CCDC171: variants seen among roughly 807,000 people sequenced by gnomAD.
CCDC171 encodes the protein coiled-coil domain-containing protein 171.
Under a neutral mutation model 168.2 loss-of-function variants are expected in CCDC171, and 177 were observed. The observed-to-expected ratio is 1.05, with a 90% CI of 0.93 to 1.19. The LOEUF (loss-of-function observed/expected upper bound fraction) is 1.19, where lower values mean the gene tolerates loss of function less well. Among genes scored for constraint, CCDC171 ranks in the 50% most tolerant of loss-of-function variants. The pLI is 0.00. For synonymous variants in CCDC171, 687 were observed against 540.8 expected, an observed-to-expected ratio of 1.27 and a Z score of -3.75; for missense variants, 1,991 against 1,539.0, an observed-to-expected ratio of 1.29 and a Z score of -4.91.
intron 10 of CCDC171, among the ~76,000 whole-genome samples, chr9:15,681,575 A>C (rs2050043686): frequency 6.6e-6 from 1 of 152,058 alleles, no homozygotes; most frequent in Admixed American, 6.6e-5. Flanking sequence ...TAGTAAGTAC[A>C]ATGTTTTTCT....
At chr9:15,775,344 A>G (rs1473548863) in intron 18 of CCDC171, among the ~76,000 whole-genome samples, 1 of 152,176 alleles carries the variant, frequency 6.6e-6, no homozygotes, top group Non-Finnish European at 1.5e-5. Context: ...GACAAAGTAA[A>G]AAACCTTATT....
At chr9:15,851,869 A>G (rs2061143547) in intron 23 of CCDC171, among the ~76,000 whole-genome samples, 2 of 151,890 alleles carry the variant, frequency 1.3e-5, no homozygotes, top group African/African-American at 4.8e-5. Flanking sequence ...CATTTAGCAT[A>G]ATTTATTCAA....
intron 1 of CCDC171, among the ~76,000 whole-genome samples, chr9:15,560,141 G>A (rs1041539768): frequency 4.6e-5 from 7 of 150,820 alleles, no homozygotes; most frequent in Non-Finnish European, 1.0e-4. Flanking sequence ...GTAACCTGAC[G>A]TTTCTGGCTG....
chr9:15,819,172 C>G (rs1451051628), intron 21 of CCDC171, among the ~76,000 whole-genome samples: 3 of 117,662 alleles, frequency 2.5e-5, no homozygotes, highest in African/African-American at 9.6e-5. Context: ...CAGGCCTGCC[C>G]TGCAAGAGCT....
chr9:15,672,176 T>C (rs968982357), intron 9 of CCDC171, among the ~76,000 whole-genome samples: 5 of 152,208 alleles, frequency 3.3e-5, no homozygotes, highest in East Asian at 1.9e-4. Context: ...TCATATCCTT[T>C]GCCCACTTTT....
chr9:15,757,920 C>T (rs2056224335), intron 18 of CCDC171, among the ~76,000 whole-genome samples: 1 of 152,190 alleles, frequency 6.6e-6, no homozygotes, highest in African/African-American at 2.4e-5. Flanking sequence ...GGAACCTCTG[C>T]CTAGATTTCA....
chr9:15,594,498 C>A (rs888334968), intron 6 of CCDC171, among the ~76,000 whole-genome samples: 1 of 152,096 alleles, frequency 6.6e-6, no homozygotes, highest in Non-Finnish European at 1.5e-5. Context: ...TAATAGGATT[C>A]TGGATGTTAA....
intron 1 of CCDC171, among the ~76,000 whole-genome samples, chr9:16,046,550 C>T (rs1355938856): frequency 6.6e-6 from 1 of 152,158 alleles, no homozygotes; most frequent in Non-Finnish European, 1.5e-5. Flanking sequence ...GTGTCCCCAC[C>T]CAAATCTCAT....
chr9:16,045,144 C>G (rs1833640259), intron 1 of CCDC171, among the ~76,000 whole-genome samples: 1 of 152,030 alleles, frequency 6.6e-6, no homozygotes, highest in South Asian at 2.1e-4. Flanking sequence ...CAGAAATAGC[C>G]CAATGCAATT....
At chr9:15,827,256 T>C (rs1265835874) in intron 21 of CCDC171, among the ~76,000 whole-genome samples, 1 of 152,204 alleles carries the variant, frequency 6.6e-6, no homozygotes, top group African/African-American at 2.4e-5. Context: ...TTTTGTATGA[T>C]TATGTGTGTG....
chr9:15,593,483 A>G (rs1026492377), intron 5 of CCDC171, among the ~76,000 whole-genome samples: 2 of 152,080 alleles, frequency 1.3e-5, no homozygotes, highest in Admixed American at 6.6e-5. Context: ...TTGCTTTTCA[A>G]ATTTTTAACA....
chr9:15,627,543 AC>A (rs533630468), intron 7 of CCDC171, among the ~76,000 whole-genome samples: 1 of 152,296 alleles, frequency 6.6e-6, no homozygotes, highest in Admixed American at 6.5e-5. Flanking sequence ...GTTTCAAAGA[AC>A]ATCTTTATTT....
intron 1 of CCDC171, among the ~76,000 whole-genome samples, chr9:15,561,554 C>A (rs534132309): frequency 6.6e-6 from 1 of 152,098 alleles, no homozygotes; most frequent in South Asian, 2.1e-4. Context: ...ACTTTGTATT[C>A]CATTGACATT....
chr9:16,024,278 A>G (rs1833232830), intron 6 of CCDC171, among the ~76,000 whole-genome samples: 1 of 152,204 alleles, frequency 6.6e-6, no homozygotes. Flanking sequence ...GTTACAATAA[A>G]AATAGGAAAC....
chr9:15,668,964 A>G (rs2048919344), intron 9 of CCDC171, among the ~76,000 whole-genome samples: 2 of 152,164 alleles, frequency 1.3e-5, no homozygotes, highest in African/African-American at 2.4e-5. Flanking sequence ...TTAACTTACA[A>G]CTTTGAGAAT....
rs527253816 is a variant in CCDC171 at position 15,558,119 on chromosome 9, G to A, written c.-112+4817G>A. Among the ~76,000 whole-genome samples the A allele has an allele frequency of 7.2e-5, 11 of 152,256 alleles. No homozygotes were observed. In the South Asian group the frequency reaches 1.9e-3, roughly 26 times the overall value. ...GATCGTGGTGGATAAGCTTTTTGAT[G>A]TGCTGCTGGATTTGGTTTGCCAGTA... On this transcript the variant is annotated intron_variant, in intron 1 of 25. Coordinates refer to ENST00000380701, the MANE Select transcript of CCDC171 (RefSeq NM_173550.4).
chr9:15,725,162 C>G (rs2053718322), intron 14 of CCDC171, among the ~76,000 whole-genome samples, 186 bp downstream of exon 14: 1 of 152,170 alleles, frequency 6.6e-6, no homozygotes, highest in Non-Finnish European at 1.5e-5. Flanking sequence ...GAGAGAAGTA[C>G]TATAACTTGC....
chr9:15,901,263 T>C (rs1024491709), intron 24 of CCDC171, among the ~76,000 whole-genome samples: 4 of 152,148 alleles, frequency 2.6e-5, no homozygotes, highest in Non-Finnish European at 5.9e-5. Flanking sequence ...ATACTAATAA[T>C]AGTGAATACA....
intron 25 of CCDC171, among the ~76,000 whole-genome samples, chr9:15,944,238 A>G (rs542904235): frequency 1.3e-5 from 2 of 152,052 alleles, no homozygotes; most frequent in East Asian, 1.9e-4. Flanking sequence ...TTTGTAAACC[A>G]CTGTGGCTAT....
Sources: allele counts gnomAD v4.1 joint callset (sites outside exome capture counted in the v4.1 genomes callset), GRCh38; gene constraint gnomAD v4.1.1; transcripts MANE v1.5; gene names NCBI Gene and HGNC (gene_info 2026-07-23, HGNC 2026-07-21).